STAU2: variants seen among roughly 807,000 people sequenced by gnomAD.
The protein encoded by STAU2 is staufen double-stranded RNA binding protein 2, also known as double-stranded RNA-binding protein Staufen homolog 2.
In STAU2, 20 loss-of-function variants were observed where a neutral mutation model predicts 65.9. The observed-to-expected ratio is 0.30, with a 90% CI of 0.21 to 0.44. The LOEUF is 0.44. Ranked by LOEUF, STAU2 falls within the 20% of genes least tolerant of loss-of-function variation. The pLI is 1.00. For synonymous variants in STAU2, 232 were observed against 233.9 expected, an observed-to-expected ratio of 0.99 and a Z score of 0.07; for missense variants, 558 against 683.9, an observed-to-expected ratio of 0.82 and a Z score of 2.05.
chr8:73,666,735 CAAAT>C (rs762130677), intron 6 of STAU2, among the ~76,000 whole-genome samples: 2 of 152,062 alleles, frequency 1.3e-5, no homozygotes, highest in Non-Finnish European at 2.9e-5. Flanking sequence ...TGAGTGTTAA[CAAAT>C]AAACAAACCC....
At chr8:73,638,209 G>A (rs1292795408) in intron 6 of STAU2, among the ~76,000 whole-genome samples, 5 of 151,622 alleles carry the variant, frequency 3.3e-5, no homozygotes, top group South Asian at 2.1e-4. Context: ...ATTTTATACT[G>A]TATAAAATAA....
chr8:73,659,655 T>C (rs973227200), intron 6 of STAU2, among the ~76,000 whole-genome samples: 6 of 152,148 alleles, frequency 3.9e-5, no homozygotes, highest in Non-Finnish European at 5.9e-5. Flanking sequence ...ATAAAGATAT[T>C]GGTGAAAGAG....
intron 3 of STAU2, among the ~76,000 whole-genome samples, chr8:73,724,618 A>C (rs1805491390): frequency 6.6e-6 from 1 of 151,130 alleles, no homozygotes; most frequent in Non-Finnish European, 1.5e-5. Flanking sequence ...GAGCACATTT[A>C]AGGTAGGCTA....
chr8:73,671,793 C>A (rs564617117), intron 6 of STAU2, among the ~76,000 whole-genome samples: 1 of 152,092 alleles, frequency 6.6e-6, no homozygotes, highest in African/African-American at 2.4e-5. Context: ...GAGGCCGAGG[C>A]GGACAGATCA....
chr8:73,441,410 T>G (rs953719154), intron 13 of STAU2: 2 of 150,826 alleles, frequency 1.3e-5, no homozygotes, highest in Non-Finnish European at 2.9e-5. Context: ...TGTGGTGGCA[T>G]GCACCTGTAA....
chr8:73,567,082 TTGTTATA>T (rs1808661939), intron 12 of STAU2, among the ~76,000 whole-genome samples: 2 of 152,190 alleles, frequency 1.3e-5, no homozygotes, highest in Non-Finnish European at 2.9e-5. Context: ...AGAATTCTAA[TTGTTATA>T]TGTTATAAAC....
chr8:73,504,802 C>T (rs1027780451), intron 13 of STAU2, among the ~76,000 whole-genome samples: 42 of 151,770 alleles, frequency 2.8e-4, no homozygotes, highest in African/African-American at 9.9e-4. Flanking sequence ...TTGGTTTATT[C>T]TATGGCTATT....
At chr8:73,682,086 CA>C (rs1319226047) in intron 5 of STAU2, among the ~76,000 whole-genome samples, 2 of 151,806 alleles carry the variant, frequency 1.3e-5, no homozygotes, top group African/African-American at 4.8e-5. Context: ...AGAAAGTCAA[CA>C]AAAAAACAAT....
chr8:73,472,866 T>G (rs1024240277), intron 13 of STAU2, among the ~76,000 whole-genome samples: 4 of 152,076 alleles, frequency 2.6e-5, no homozygotes, highest in Non-Finnish European at 5.9e-5. Flanking sequence ...ATTCATTAAG[T>G]GAGAGCAAGT....
chr8:73,541,412 G>A (rs1806535915), intron 13 of STAU2, among the ~76,000 whole-genome samples: 1 of 152,124 alleles, frequency 6.6e-6, no homozygotes, highest in African/African-American at 2.4e-5. Context: ...CCATGGAGAA[G>A]ATAAAGCTTG....
At chr8:73,483,291 CA>C (rs1427081442) in intron 13 of STAU2, among the ~76,000 whole-genome samples, 2 of 151,968 alleles carry the variant, frequency 1.3e-5, no homozygotes, top group African/African-American at 2.4e-5. Context: ...TTAAAGAAAT[CA>C]GGGGGGAAAA....
At chr8:73,566,384 GT>G (rs1422403982) in intron 12 of STAU2, among the ~76,000 whole-genome samples, 2 of 152,094 alleles carry the variant, frequency 1.3e-5, no homozygotes, top group African/African-American at 4.8e-5. Flanking sequence ...GCCATTTAGT[GT>G]TTTTACATGA....
chr8:73,659,779 C>A (rs922030497), intron 6 of STAU2, among the ~76,000 whole-genome samples: 1 of 152,046 alleles, frequency 6.6e-6, no homozygotes, highest in African/African-American at 2.4e-5. Context: ...CCTTTCTAGA[C>A]AAAAGTTGTT....
intron 12 of STAU2, among the ~76,000 whole-genome samples, chr8:73,564,010 G>T (rs933334483): frequency 6.6e-6 from 1 of 152,176 alleles, no homozygotes; most frequent in African/African-American, 2.4e-5. Context: ...ACTGAAACAT[G>T]TAAGAACAAT....
At position 73,658,058 on chromosome 8, in the gene STAU2, G is replaced by A. The variant is rs151150563; in HGVS notation, c.410+15049C>T. On this transcript the variant is annotated intron_variant, in intron 6 of 14. Coordinates refer to ENST00000524300, the MANE Select transcript of STAU2 (RefSeq NM_001164380.2). ...GCACAATAGTCACACTCAGTAACAC[G>A]GGGTTTTAAGAACTATCTTGGGGGA... 3.4e-3 allele frequency among the ~76,000 whole-genome samples: 507 copies of A among 150,844 alleles called. 2 individuals are homozygous for A. The highest frequency in any genetic ancestry group is 5.4e-3 in the Non-Finnish European group (364 of 67,716).
At chr8:73,512,978 T>C (rs989995516) in intron 13 of STAU2, among the ~76,000 whole-genome samples, 1 of 152,224 alleles carries the variant, frequency 6.6e-6, no homozygotes, top group African/African-American at 2.4e-5. Flanking sequence ...TTTAGCTGCT[T>C]TGAAGTATCT....
intron 13 of STAU2, chr8:73,550,810 A>G: frequency 1.0e-6 from 1 of 987,532 alleles, no homozygotes; most frequent in Non-Finnish European, 1.2e-6. Context: ...AACACTAACA[A>G]CTACCTGGCA....
intron 6 of STAU2, among the ~76,000 whole-genome samples, chr8:73,636,773 G>A (rs1489664573): frequency 6.6e-6 from 1 of 150,698 alleles, no homozygotes; most frequent in Non-Finnish European, 1.5e-5. Flanking sequence ...TGAGGCATGA[G>A]AATCGCTTGA....
At chr8:73,739,014 T>G (rs771694315) in intron 2 of STAU2, among the ~76,000 whole-genome samples, 2 of 152,038 alleles carry the variant, frequency 1.3e-5, no homozygotes, top group Admixed American at 1.3e-4. Context: ...GGTGGATCAT[T>G]TGAGTTCAGG....
Sources: allele counts gnomAD v4.1 joint callset (sites outside exome capture counted in the v4.1 genomes callset), GRCh38; gene constraint gnomAD v4.1.1; transcripts MANE v1.5; gene names NCBI Gene and HGNC (gene_info 2026-07-23, HGNC 2026-07-21).